The following CTXND1 variants were observed in gnomAD, a reference collection of about 807,000 sequenced individuals.
CTXND1 encodes cortexin domain-containing 1 protein.
intron 1 of CTXND1, among the ~76,000 whole-genome samples, chr15:80,239,853 T>C (rs1458916328): frequency 6.6e-6 from 1 of 152,204 alleles, no homozygotes; most frequent in Non-Finnish European, 1.5e-5. Flanking sequence ...ATTTTTATCT[T>C]GTTTGACTGT....
At chr15:80,243,591 A>G (rs1386631302) in intron 1 of CTXND1, among the ~76,000 whole-genome samples, 1 of 152,132 alleles carries the variant, frequency 6.6e-6, no homozygotes, top group Non-Finnish European at 1.5e-5. Context: ...GAGAATCCAG[A>G]TTATTTACCA....
intron 1 of CTXND1, among the ~76,000 whole-genome samples, chr15:80,226,163 A>G (rs1312406215): frequency 3.3e-5 from 5 of 152,178 alleles, no homozygotes; most frequent in Non-Finnish European, 7.4e-5. Flanking sequence ...GGAAGTCCCC[A>G]ATTGTCCAGT....
In CTXND1 at chr15:80,252,213, T is replaced by C. The variant is rs1315922620; in HGVS notation, c.-424A>G. 4 of 151,930 alleles carry C rather than the reference T, an allele frequency of 2.6e-5. No homozygotes were observed. The highest frequency in any genetic ancestry group is 2.6e-4 in the Admixed American group (4 of 15,262). The allele number at this position is 151,930 out of a possible 1,614,324, so 9.4% of individuals were successfully genotyped here. On this transcript the variant is annotated 5_prime_UTR_variant, in exon 1 of 3. Transcript: ENST00000560778. Reference sequence around the variant, plus strand: ...CGGGCCAGCAGCCGAGAGGGGGCTCTGAGCGGAGCCGCGGCCGTCCTGGCA... The same window carrying C: ...CGGGCCAGCAGCCGAGAGGGGGCTCCGAGCGGAGCCGCGGCCGTCCTGGCA...
At chr15:80,240,981 C>T (rs899835303) in intron 1 of CTXND1, among the ~76,000 whole-genome samples, 3 of 152,226 alleles carry the variant, frequency 2.0e-5, no homozygotes, top group Admixed American at 6.5e-5. Context: ...GAGACAAGCT[C>T]TACTGCAGAG....
intron 1 of CTXND1, among the ~76,000 whole-genome samples, chr15:80,221,549 C>T (rs1015149107): frequency 6.6e-6 from 1 of 152,132 alleles, no homozygotes; most frequent in Admixed American, 6.5e-5. Flanking sequence ...CGCCCCTGCA[C>T]TCCAGCCTGG....
intron 1 of CTXND1, among the ~76,000 whole-genome samples, chr15:80,242,919 T>A (rs1338926468): frequency 3.3e-5 from 5 of 152,216 alleles, no homozygotes; most frequent in African/African-American, 1.2e-4. Flanking sequence ...TACCATCTCA[T>A]GCATGTGTGG....
intron 1 of CTXND1, among the ~76,000 whole-genome samples, chr15:80,210,062 T>C (rs1365901923): frequency 2.6e-5 from 4 of 152,230 alleles, no homozygotes; most frequent in Non-Finnish European, 5.9e-5. Flanking sequence ...AAGAAAATAA[T>C]GTCCTCAGCA....
chr15:80,210,956 C>T (rs1001439421), intron 1 of CTXND1, among the ~76,000 whole-genome samples: 9 of 152,140 alleles, frequency 5.9e-5, no homozygotes, highest in African/African-American at 1.9e-4. Flanking sequence ...GGGACCCCAC[C>T]TTATGACTCA....
chr15:80,213,161 G>C (rs144971429), intron 1 of CTXND1, among the ~76,000 whole-genome samples: 97 of 152,312 alleles, frequency 6.4e-4, no homozygotes, highest in African/African-American at 2.0e-3. Context: ...TTTTGTCCCA[G>C]GGTGGATCAT....
intron 1 of CTXND1, among the ~76,000 whole-genome samples, chr15:80,231,430 T>A (rs1436102884): frequency 6.6e-6 from 1 of 152,032 alleles, no homozygotes; most frequent in Non-Finnish European, 1.5e-5. Flanking sequence ...AAACTTCTCC[T>A]GTGTCAACTT....
intron 1 of CTXND1, among the ~76,000 whole-genome samples, chr15:80,218,119 C>G (rs73487210): frequency 1.5e-3 from 223 of 152,166 alleles, no homozygotes; most frequent in African/African-American, 4.4e-3. Context: ...TCCTTCTTGG[C>G]TGTAATTATC....
chr15:80,238,696 C>T (rs1040806433), intron 1 of CTXND1, among the ~76,000 whole-genome samples: 7 of 152,226 alleles, frequency 4.6e-5, no homozygotes, highest in South Asian at 2.1e-4. Flanking sequence ...AGGATGGTCT[C>T]GATCTCCTGA....
intron 1 of CTXND1, among the ~76,000 whole-genome samples, chr15:80,240,607 A>G (rs1030643886): frequency 3.3e-5 from 5 of 152,354 alleles, no homozygotes; most frequent in African/African-American, 1.2e-4. Flanking sequence ...CTCTTCTGGA[A>G]GTCCTAAGAA....
At chr15:80,246,135 C>T (rs1324241872) in intron 1 of CTXND1, among the ~76,000 whole-genome samples, 1 of 152,144 alleles carries the variant, frequency 6.6e-6, no homozygotes, top group East Asian at 1.9e-4. Context: ...AAAAAGTACA[C>T]TTAAAAAATA....
At chr15:80,247,249 C>CGGAA (rs1281380411) in intron 1 of CTXND1, among the ~76,000 whole-genome samples, 1 of 152,128 alleles carries the variant, frequency 6.6e-6, no homozygotes, top group Non-Finnish European at 1.5e-5. Context: ...TCTCCCTTCC[C>CGGAA]CATCCTCCCA....
intron 1 of CTXND1, among the ~76,000 whole-genome samples, chr15:80,251,717 G>C (rs1893698493): frequency 6.6e-6 from 1 of 152,076 alleles, no homozygotes; most frequent in African/African-American, 2.4e-5. Flanking sequence ...GGGCCGCTGC[G>C]ACGCGGCTCC....
intron 1 of CTXND1, among the ~76,000 whole-genome samples, chr15:80,250,719 G>A (rs1268916050): frequency 1.3e-5 from 2 of 152,150 alleles, no homozygotes; most frequent in South Asian, 2.1e-4. Flanking sequence ...CTCAAAGCTG[G>A]TACATATCTT....
intron 1 of CTXND1, among the ~76,000 whole-genome samples, chr15:80,234,619 C>T (rs1013184335): frequency 4.0e-5 from 6 of 151,844 alleles, no homozygotes; most frequent in Admixed American, 1.3e-4. Flanking sequence ...CTGGGAATAC[C>T]GGTGCATGCC....
In CTXND1 at chr15:80,247,035, G is replaced by A. The variant is rs546133781; in HGVS notation, c.-218+4972C>T. Among the ~76,000 whole-genome samples, 10 of 152,248 alleles carry A rather than the reference G, an allele frequency of 6.6e-5. No homozygotes were observed. The South Asian group carries it at 8.3e-4, about 13-fold the overall frequency. Reference sequence around the variant, plus strand: ...TTAAAACTTAGGAGGTCAGTATTCCGCTTTCCATTTTACCCATGAGAAAAT... The same window carrying A: ...TTAAAACTTAGGAGGTCAGTATTCCACTTTCCATTTTACCCATGAGAAAAT... On this transcript the variant is annotated intron_variant, in intron 1 of 2. Coordinates refer to ENST00000560778, the MANE Select transcript of CTXND1 (RefSeq NM_001352888.2).
Sources: allele counts gnomAD v4.1 joint callset (sites outside exome capture counted in the v4.1 genomes callset), GRCh38; gene constraint gnomAD v4.1.1; transcripts MANE v1.5; gene names NCBI Gene and HGNC (gene_info 2026-07-23, HGNC 2026-07-21).